Variants in DNAH6 observed in about 807,000 individuals in gnomAD.
DNAH6 encodes the protein dynein axonemal heavy chain 6, also known as axonemal beta dynein heavy chain 6.
A neutral mutation model predicts 491.4 loss-of-function variants in DNAH6; 340 were observed. That is an observed-to-expected ratio of 0.69 (90% CI 0.63 to 0.76). The LOEUF is 0.76. Ranked by LOEUF, DNAH6 falls within the 30% of genes least tolerant of loss-of-function variation. The pLI is 0.00. For synonymous variants in DNAH6, 1,603 were observed against 1,686.1 expected (o/e 0.95, Z 1.21); for missense variants, 4,443 against 4,972.2 (o/e 0.89, Z 3.20).
At position 84,748,856 on chromosome 2, in the gene DNAH6, A is replaced by G. The variant is rs1445608799; in HGVS notation, c.10512+3607A>G. Among the ~76,000 whole-genome samples the G allele has an allele frequency of 2.0e-5, 3 of 152,246 alleles. No individual in the cohort carries two copies. In the East Asian group the frequency reaches 5.8e-4, roughly 29 times the overall value. Reference sequence around the variant, plus strand: ...AAGTCCATTGGGCTCACAGTTCTGCAAGCTGTACAAGTATGGCAGCAACAT... The same window carrying G: ...AAGTCCATTGGGCTCACAGTTCTGCGAGCTGTACAAGTATGGCAGCAACAT... On this transcript the variant is annotated intron_variant, in intron 63 of 76. Coordinates refer to ENST00000389394, the MANE Select transcript of DNAH6 (RefSeq NM_001370.2).
At chr2:84,535,126 T>G (rs975029166) in intron 4 of DNAH6, among the ~76,000 whole-genome samples, 3 of 152,088 alleles carry the variant, frequency 2.0e-5, no homozygotes, top group African/African-American at 2.4e-5. Flanking sequence ...TACCACATCC[T>G]TGAGTTTTTA....
Position 84,815,942 on chromosome 2 carries a change from GA to G in DNAH6, c.12234del (p.Asp4079MetfsTer7). On this transcript the variant is annotated frameshift_variant, in exon 76 of 77. Transcript: ENST00000389394. LOFTEE classifies it high-confidence loss of function. ...SRWDDKEMVI[E>X]DALPGQMNPV... ...ATGGGATGATAAGGAGATGGTGATA[GA>G]AGATGCATTGCCCGGACAGATGAAT... 1 of 1,551,880 alleles carries G rather than the reference GA, an allele frequency of 6.4e-7. No individual in the cohort carries two copies. Among genetic ancestry groups the G allele is most frequent in the Non-Finnish European group, 8.7e-7 (1 of 1,147,056 alleles).
intron 29 of DNAH6, among the ~76,000 whole-genome samples, chr2:84,629,894 T>A (rs377702138): frequency 2.2e-4 from 34 of 152,252 alleles, no homozygotes; most frequent in African/African-American, 7.7e-4. Context: ...CTAAAGAGGA[T>A]CTCATTGACC....
intron 40 of DNAH6, 99 bp from the exon 41 acceptor site, chr2:84,676,906 T>C (rs1193132425): frequency 7.5e-7 from 1 of 1,333,928 alleles, no homozygotes; most frequent in Non-Finnish European, 1.0e-6. Flanking sequence ...CAAAAAAAAA[T>C]GTAATGCAAT....
chr2:84,794,263 A>G (rs1335858622), intron 68 of DNAH6, among the ~76,000 whole-genome samples: 2 of 152,342 alleles, frequency 1.3e-5, no homozygotes, highest in Non-Finnish European at 2.9e-5. Flanking sequence ...GGACATAGGC[A>G]TGGGCAAGGA....
chr2:84,768,421 G>A (rs1197635833), intron 64 of DNAH6, among the ~76,000 whole-genome samples: 1 of 151,542 alleles, frequency 6.6e-6, no homozygotes, highest in Non-Finnish European at 1.5e-5. Context: ...ACATTAAAAT[G>A]AGTGTATTAT....
At chr2:84,561,220 CAG>C (rs889821025) in intron 11 of DNAH6, among the ~76,000 whole-genome samples, 2 of 152,114 alleles carry the variant, frequency 1.3e-5, no homozygotes, top group African/African-American at 4.8e-5. Flanking sequence ...ACAGAGCCCT[CAG>C]AAATAACGCC....
chr2:84,601,192 C>T (rs1255690849), intron 18 of DNAH6, among the ~76,000 whole-genome samples: 1 of 149,512 alleles, frequency 6.7e-6, no homozygotes, highest in Non-Finnish European at 1.5e-5. Flanking sequence ...GGGAGAATAT[C>T]AAAAGGGCAA....
intron 3 of DNAH6, among the ~76,000 whole-genome samples, chr2:84,528,044 T>G (rs1676769720): frequency 6.6e-6 from 1 of 152,146 alleles, no homozygotes; most frequent in Admixed American, 6.5e-5. Context: ...GTGATTAACC[T>G]CCTCCATGGG....
intron 42 of DNAH6, among the ~76,000 whole-genome samples, chr2:84,682,773 C>T (rs1353850013): frequency 1.3e-5 from 2 of 152,200 alleles, no homozygotes; most frequent in Non-Finnish European, 2.9e-5. Context: ...ACTCCATCCA[C>T]TACCCTTCTA....
chr2:84,818,141 T>C (rs1559076732), intron 76 of DNAH6, among the ~76,000 whole-genome samples: 1 of 152,138 alleles, frequency 6.6e-6, no homozygotes, highest in Non-Finnish European at 1.5e-5. Flanking sequence ...AAAGAAACTC[T>C]TTTTCAGCTA....
chr2:84,653,695 C>T lies in DNAH6; in HGVS notation c.5455C>T (p.Leu1819=), dbSNP rs1690674278. Residue 1819 remains leucine (L), a synonymous_variant, in exon 34 of 77, where the codon CTA becomes TTA. Transcript: ENST00000389394. ...GGAATGGAAAGATGGTTTGATGGCA[C>T]TAAGTGTCCGAGCAGCTGTGAATGA... The part of the protein sequence containing the change: ...TLEWKDGLMA[L]SVRAAVNDTS... 6.4e-7 allele frequency: 1 copy of T among 1,551,244 alleles called. No homozygotes were observed. The highest frequency in any genetic ancestry group is 8.7e-7 in the Non-Finnish European group (1 of 1,146,712).
At chr2:84,682,861 G>C (rs1482572073) in intron 42 of DNAH6, among the ~76,000 whole-genome samples, 1 of 152,154 alleles carries the variant, frequency 6.6e-6, no homozygotes, top group South Asian at 2.1e-4. Flanking sequence ...CTGCACAGCA[G>C]CCAAGCATGG....
chr2:84,606,109 ATGTG>A (rs758905994), intron 20 of DNAH6, among the ~76,000 whole-genome samples: 4 of 152,234 alleles, frequency 2.6e-5, no homozygotes, highest in Non-Finnish European at 5.9e-5. Flanking sequence ...AATCTAATTC[ATGTG>A]TTTGGAATAG....
chr2:84,559,653 A>G (rs752278638), intron 11 of DNAH6, among the ~76,000 whole-genome samples: 2 of 152,188 alleles, frequency 1.3e-5, no homozygotes, highest in Non-Finnish European at 2.9e-5. Flanking sequence ...AATGCTCTTG[A>G]ACTAAAAATT....
At chr2:84,579,762 A>C in intron 14 of DNAH6, 83 bp downstream of exon 14, 10 of 1,193,846 alleles carry the variant, frequency 8.4e-6, no homozygotes, top group Non-Finnish European at 1.2e-5. Context: ...GTGAAGGACT[A>C]AGGGGCAAAA....
intron 52 of DNAH6, 116 bp downstream of exon 52, chr2:84,705,863 T>C: frequency 8.2e-7 from 1 of 1,212,742 alleles, no homozygotes; most frequent in Non-Finnish European, 1.1e-6. Flanking sequence ...GACAAAACTC[T>C]TGGAAATTAG....
At chr2:84,682,194 A>G (rs569604710) in intron 42 of DNAH6, among the ~76,000 whole-genome samples, 4 of 152,170 alleles carry the variant, frequency 2.6e-5, no homozygotes, top group African/African-American at 7.2e-5. Flanking sequence ...CCTGAGTCCC[A>G]TCTCCATCTG....
In DNAH6 at chr2:84,762,764, G is replaced by C. The variant is rs1057324558; in HGVS notation, c.10522G>C (p.Ala3508Pro). The change falls in exon 64 of 77, where the codon GCT becomes CCT. Residue 3508 changes from alanine (A) to proline (P), a missense_variant. Coordinates refer to ENST00000389394, the MANE Select transcript of DNAH6 (RefSeq NM_001370.2). The stretch of plus-strand genomic sequence containing the variant: ...TCTTTTCAACTTTCAGGTGGTTTTT[G>C]CTCTTACAGACTTTGTGATAGAAAA... ...KCCKEEKVVF[A>P]LTDFVIENLG... 39 of 1,538,054 alleles carry C rather than the reference G, an allele frequency of 2.5e-5. No homozygotes were observed. Among genetic ancestry groups the C allele is most frequent in the Non-Finnish European group, 3.3e-5 (38 of 1,142,120 alleles).
Sources: gnomAD v4.1 joint callset for allele counts (sites outside exome capture counted in the v4.1 genomes callset) on GRCh38, gnomAD v4.1.1 for gene constraint, MANE v1.5 for transcripts, NCBI Gene and HGNC (gene_info 2026-07-23, HGNC 2026-07-21) for gene names.